The following LARGE1 variants were observed in gnomAD, a reference collection of about 807,000 sequenced individuals.
The protein encoded by LARGE1 is LARGE xylosyl- and glucuronyltransferase 1.
In LARGE1, 43 loss-of-function variants were observed where a neutral mutation model predicts 87.6. That is an observed-to-expected ratio of 0.49 (90% CI 0.38 to 0.63). The LOEUF is 0.63. LARGE1 is among the 30% of genes least tolerant of loss of function. The probability of loss-of-function intolerance (pLI) is 0.00; values close to 1 mark genes in which losing one functional copy is unlikely to be tolerated. For missense variants in LARGE1, 802 were observed against 1,000.2 expected (o/e 0.80, Z 2.67); for synonymous variants, 434 against 394.6 (o/e 1.10, Z -1.18).
chr22:33,428,070 G>A (rs1411313750), intron 7 of LARGE1, among the ~76,000 whole-genome samples: 1 of 152,144 alleles, frequency 6.6e-6, no homozygotes, highest in Non-Finnish European at 1.5e-5. Flanking sequence ...TACACCTGGG[G>A]AAAGTAAAAT....
At chr22:33,312,151 C>T (rs1935668879) in intron 11 of LARGE1, among the ~76,000 whole-genome samples, 1 of 152,140 alleles carries the variant, frequency 6.6e-6, no homozygotes, top group African/African-American at 2.4e-5. Flanking sequence ...TTACCACTTT[C>T]AGATCACAGA....
intron 11 of LARGE1, among the ~76,000 whole-genome samples, chr22:33,245,134 C>A (rs928628939): frequency 7.2e-5 from 11 of 152,050 alleles, no homozygotes; most frequent in African/African-American, 2.2e-4. Flanking sequence ...AAACTGAATG[C>A]CCTTTAAAGA....
chr22:33,878,350 C>A (rs2064552192), intron 1 of LARGE1, among the ~76,000 whole-genome samples: 1 of 151,640 alleles, frequency 6.6e-6, no homozygotes, highest in Non-Finnish European at 1.5e-5. Flanking sequence ...AGGCTGGTCG[C>A]AAACTCCTGA....
chr22:33,460,083 A>C (rs927705965), intron 6 of LARGE1, among the ~76,000 whole-genome samples: 1 of 152,226 alleles, frequency 6.6e-6, no homozygotes, highest in African/African-American at 2.4e-5. Flanking sequence ...GCATGGCGCT[A>C]AGGGGCTTAC....
intron 11 of LARGE1, among the ~76,000 whole-genome samples, chr22:33,208,711 ATCCCT>A (rs1234718018): frequency 1.3e-5 from 2 of 151,998 alleles, no homozygotes; most frequent in Non-Finnish European, 2.9e-5. Flanking sequence ...TCCTAACGCT[ATCCCT>A]GCCCTAACCC....
intron 9 of LARGE1, among the ~76,000 whole-genome samples, chr22:33,354,775 G>A (rs1021545885): frequency 6.5e-4 from 99 of 152,172 alleles, no homozygotes; most frequent in African/African-American, 2.2e-3. Flanking sequence ...ATTTTAGGAG[G>A]GATCCTTTTT....
chr22:33,504,305 G>C (rs1216173566), intron 6 of LARGE1, among the ~76,000 whole-genome samples: 2 of 152,134 alleles, frequency 1.3e-5, no homozygotes, highest in Non-Finnish European at 2.9e-5. Context: ...TGTTGCCCAG[G>C]CTGCAGTGCA....
At chr22:33,762,761 T>G (rs550341181) in intron 1 of LARGE1, among the ~76,000 whole-genome samples, 2 of 152,140 alleles carry the variant, frequency 1.3e-5, no homozygotes, top group South Asian at 4.1e-4. Context: ...ACCTGATTAT[T>G]TGACCAGGGA....
At chr22:33,289,845 T>C (rs755933457) in intron 12 of LARGE1, among the ~76,000 whole-genome samples, 17 of 152,204 alleles carry the variant, frequency 1.1e-4, no homozygotes, top group African/African-American at 2.2e-4. Flanking sequence ...TCTGTATATC[T>C]TTTTTCCCCG....
the LARGE1 span, among the ~76,000 whole-genome samples, chr22:33,100,840 ATT>A: frequency 7.3e-5 from 10 of 137,232 alleles, no homozygotes; most frequent in African/African-American, 1.3e-4. Flanking sequence ...ATTAACTTCT[ATT>A]TTTTTTTTTT....
chr22:33,902,951 G>A (rs2065326669), intron 1 of LARGE1, among the ~76,000 whole-genome samples: 1 of 152,092 alleles, frequency 6.6e-6, no homozygotes, highest in Non-Finnish European at 1.5e-5. Context: ...GGCTAACATG[G>A]CGAAAGCTTG....
chr22:33,845,489 G>A (rs1459825186), intron 1 of LARGE1, among the ~76,000 whole-genome samples: 1 of 151,434 alleles, frequency 6.6e-6, no homozygotes, highest in Non-Finnish European at 1.5e-5. Context: ...TGTATTTTTA[G>A]TAGAGACGGG....
intron 10 of LARGE1, among the ~76,000 whole-genome samples, chr22:33,328,657 AAGG>A (rs1278007407): frequency 6.6e-6 from 1 of 151,892 alleles, no homozygotes; most frequent in Non-Finnish European, 1.5e-5. Context: ...AACTACCTTG[AAGG>A]GTTAGTGAAA....
intron 6 of LARGE1, among the ~76,000 whole-genome samples, chr22:33,450,509 A>C (rs1429094907): frequency 6.6e-6 from 1 of 151,762 alleles, no homozygotes; most frequent in Non-Finnish European, 1.5e-5. Flanking sequence ...GCTACCCAGG[A>C]GGCTGAGGCA....
intron 2 of LARGE1, among the ~76,000 whole-genome samples, chr22:33,716,229 AT>A: frequency 6.6e-6 from 1 of 152,172 alleles, no homozygotes; most frequent in East Asian, 1.9e-4. Context: ...ATGATAATAA[AT>A]TTTTTGCATA....
At chr22:33,159,487 G>A (rs916812379), downstream of LARGE1, among the ~76,000 whole-genome samples, 1 of 151,240 alleles carries the variant, frequency 6.6e-6, no homozygotes, top group African/African-American at 2.4e-5. Flanking sequence ...ATAAAAATTA[G>A]GAATGAAAAA....
At chr22:33,202,228 C>T (rs1042814480) in intron 11 of LARGE1, among the ~76,000 whole-genome samples, 9 of 152,164 alleles carry the variant, frequency 5.9e-5, no homozygotes, top group Admixed American at 3.9e-4. Context: ...AAGAGATACT[C>T]TCCCCACTCC....
chr22:33,509,697 C>T (rs2070959350), intron 6 of LARGE1, among the ~76,000 whole-genome samples: 1 of 152,172 alleles, frequency 6.6e-6, no homozygotes, highest in Admixed American at 6.5e-5. Context: ...AGTGATCCTC[C>T]CACCTTGGCC....
chr22:33,096,415 C>CAAA, the LARGE1 span, among the ~76,000 whole-genome samples: 379 of 62,906 alleles, frequency 6.0e-3, no homozygotes, highest in African/African-American at 0.019. Flanking sequence ...AACTCCATCT[C>CAAA]AAAAAAAAAA....
Sources: allele counts gnomAD v4.1 joint callset (sites outside exome capture counted in the v4.1 genomes callset), GRCh38; gene constraint gnomAD v4.1.1; transcripts MANE v1.5; gene names NCBI Gene and HGNC (gene_info 2026-07-23, HGNC 2026-07-21).